Variants in CLASP2 observed in about 807,000 individuals in gnomAD.
CLASP2 encodes cytoplasmic linker associated protein 2, also known as CLIP-associating protein 2.
In CLASP2, 47 loss-of-function variants were observed where a neutral mutation model predicts 194.4. The ratio of observed to expected loss-of-function variants is 0.24; its 90% CI spans 0.19 to 0.31. CLASP2 has a LOEUF of 0.31. Ranked by LOEUF, CLASP2 falls within the 10% of genes least tolerant of loss-of-function variation. CLASP2 has a pLI of 1.00. For synonymous variants in CLASP2, 619 were observed against 633.5 expected (o/e 0.98, Z 0.34); for missense variants, 1,445 against 1,823.6 (o/e 0.79, Z 3.78).
intron 38 of CLASP2, among the ~76,000 whole-genome samples, chr3:33,500,533 G>A (rs947369429): frequency 1.3e-5 from 2 of 152,072 alleles, no homozygotes; most frequent in South Asian, 2.1e-4. Flanking sequence ...CCTCTGAAAC[G>A]ACATGTAATT....
intron 30 of CLASP2, among the ~76,000 whole-genome samples, chr3:33,549,993 T>C (rs2059744675): frequency 6.6e-6 from 1 of 152,158 alleles, no homozygotes; most frequent in Admixed American, 6.5e-5. Flanking sequence ...TGCCTCAGCC[T>C]ACCATGTTGA....
chr3:33,530,387 T>C (rs1438142401), intron 34 of CLASP2, among the ~76,000 whole-genome samples: 1 of 152,134 alleles, frequency 6.6e-6, no homozygotes, highest in Admixed American at 6.5e-5. Flanking sequence ...GGAGAACAGC[T>C]TCAGCCCAGG....
intron 18 of CLASP2, among the ~76,000 whole-genome samples, chr3:33,597,826 C>G (rs1009747078): frequency 2.6e-5 from 4 of 151,200 alleles, no homozygotes; most frequent in Non-Finnish European, 4.4e-5. Context: ...AATCTCATCT[C>G]ACTGCAGCCT....
chr3:33,688,438 C>T, intron 3 of CLASP2, 70 bp from the exon 4 acceptor site: 1 of 1,113,548 alleles, frequency 9.0e-7, no homozygotes, highest in Non-Finnish European at 1.3e-6. Context: ...TTTATTTCTT[C>T]CCAATCTTAC....
chr3:33,677,870 C>A (rs928164224), intron 6 of CLASP2, among the ~76,000 whole-genome samples: 6 of 86,202 alleles, frequency 7.0e-5, no homozygotes, highest in Admixed American at 1.4e-4. Context: ...GATAGCATGC[C>A]AAAAAGGAAA....
chr3:33,511,788 C>CA (rs2049924351), intron 36 of CLASP2, among the ~76,000 whole-genome samples: 1 of 66,442 alleles, frequency 1.5e-5, no homozygotes, highest in African/African-American at 5.6e-5. Flanking sequence ...TTTATGCAGC[C>CA]AAAAAACACA....
chr3:33,551,415 GAGAA>G lies in CLASP2; in HGVS notation c.3010-24_3010-21del. The G allele has an allele frequency of 1.2e-6, 2 of 1,606,206 alleles. No individual in the cohort carries two copies. The highest frequency in any genetic ancestry group is 1.7e-6 in the Non-Finnish European group (2 of 1,175,040). ...CTTCACCTGCAGAGGAAAGCACAAA[GAGAA>G]AGGACAGAAAGATGGTTATTGTGAG... On this transcript the variant is annotated intron_variant, in intron 29 of 38. Coordinates refer to ENST00000682230, the MANE Select transcript of CLASP2 (RefSeq NM_001365631.1).
intron 6 of CLASP2, among the ~76,000 whole-genome samples, chr3:33,678,036 A>C (rs117405469): frequency 6.6e-6 from 1 of 151,798 alleles, no homozygotes; most frequent in Non-Finnish European, 1.5e-5. Context: ...GCTTGAGGAA[A>C]TCTCAATAGA....
At chr3:33,602,573 C>T (rs748249665) in intron 18 of CLASP2, 8 of 762,562 alleles carry the variant, frequency 1.0e-5, no homozygotes, top group Non-Finnish European at 1.9e-5. Context: ...TCCCAGATCT[C>T]CAAAAGGCTT....
intron 14 of CLASP2, 118 bp from the exon 15 acceptor site, chr3:33,607,579 T>A (rs534570335): frequency 1.3e-4 from 71 of 555,264 alleles, no homozygotes; most frequent in Non-Finnish European, 1.9e-4. Context: ...AAAATAAAAA[T>A]TAATTAGTGT....
chr3:33,499,382 C>T (rs2046324005), intron 38 of CLASP2, among the ~76,000 whole-genome samples: 1 of 139,492 alleles, frequency 7.2e-6, no homozygotes, highest in Non-Finnish European at 1.5e-5. Flanking sequence ...TGGAGTCTCA[C>T]TCTGTCACCC....
intron 19 of CLASP2, among the ~76,000 whole-genome samples, chr3:33,595,339 T>C (rs2069977889): frequency 6.6e-6 from 1 of 151,994 alleles, no homozygotes; most frequent in Non-Finnish European, 1.5e-5. Context: ...CTTTCCAGAG[T>C]AGAAATGTTT....
At chr3:33,563,916 G>C (rs946457032) in intron 27 of CLASP2, 1 of 455,966 alleles carries the variant, frequency 2.2e-6, no homozygotes, top group Non-Finnish European at 4.4e-6. Flanking sequence ...TATCCACCCT[G>C]ATTTCCTAAC....
At chr3:33,566,595 T>A (rs537159156) in intron 27 of CLASP2, 137 bp downstream of exon 27, 1 of 293,360 alleles carries the variant, frequency 3.4e-6, no homozygotes, top group Non-Finnish European at 6.8e-6. Context: ...ATAGTTTGCA[T>A]AACTGCAAAT....
At chr3:33,561,937 C>T (rs1271866360) in intron 27 of CLASP2, among the ~76,000 whole-genome samples, 1 of 152,046 alleles carries the variant, frequency 6.6e-6, no homozygotes, top group Non-Finnish European at 1.5e-5. Flanking sequence ...ATTAACTTTT[C>T]AAGTTAATCT....
intron 18 of CLASP2, among the ~76,000 whole-genome samples, chr3:33,600,847 A>T (rs901155851): frequency 6.6e-6 from 1 of 152,078 alleles, no homozygotes; most frequent in Non-Finnish European, 1.5e-5. Flanking sequence ...TAAACATTGA[A>T]TTACTGGGGC....
chr3:33,550,392 CAAAAAAA>C (rs555351261), intron 30 of CLASP2, among the ~76,000 whole-genome samples: 1 of 51,664 alleles, frequency 1.9e-5, no homozygotes, highest in Non-Finnish European at 3.8e-5. Flanking sequence ...GAGACTGCCT[CAAAAAAA>C]AAAAAAAAAA....
chr3:33,563,546 C>A (rs569030992), intron 27 of CLASP2, among the ~76,000 whole-genome samples: 1 of 152,196 alleles, frequency 6.6e-6, no homozygotes, highest in Admixed American at 6.5e-5. Context: ...TTGTAACAGG[C>A]CAGATAGTAA....
intron 25 of CLASP2, among the ~76,000 whole-genome samples, chr3:33,571,177 C>A (rs979404873): frequency 6.6e-6 from 1 of 151,538 alleles, no homozygotes; most frequent in African/African-American, 2.4e-5. Context: ...CCTCGCCCAG[C>A]TAATTTTTTG....
Sources: allele counts gnomAD v4.1 joint callset (sites outside exome capture counted in the v4.1 genomes callset), GRCh38; gene constraint gnomAD v4.1.1; transcripts MANE v1.5; gene names NCBI Gene and HGNC (gene_info 2026-07-23, HGNC 2026-07-21).